Variants in CSGALNACT1 observed in about 807,000 individuals in gnomAD.
CSGALNACT1 encodes the protein chondroitin sulfate N-acetylgalactosaminyltransferase 1.
In CSGALNACT1, 52 loss-of-function variants were observed where a neutral mutation model predicts 51.0. That is an observed-to-expected ratio of 1.02 (90% confidence interval 0.82 to 1.29). The LOEUF (loss-of-function observed/expected upper bound fraction) is 1.29. CSGALNACT1 is among the 50% of genes most tolerant of loss of function. The pLI is 0.00. For synonymous variants in CSGALNACT1, 341 were observed against 254.4 expected, an observed-to-expected ratio of 1.34 and a Z score of -3.24; for missense variants, 935 against 679.2, an observed-to-expected ratio of 1.38 and a Z score of -4.19.
At chr8:19,488,730 T>C (rs2073684599) in intron 4 of CSGALNACT1, among the ~76,000 whole-genome samples, 1 of 152,160 alleles carries the variant, frequency 6.6e-6, no homozygotes, top group South Asian at 2.1e-4. Context: ...TAAAGACCCA[T>C]ATATAGTTTA....
intron 6 of CSGALNACT1, among the ~76,000 whole-genome samples, chr8:19,428,644 T>A (rs1366858492): frequency 1.3e-5 from 2 of 152,188 alleles, no homozygotes; most frequent in Non-Finnish European, 2.9e-5. Context: ...GACTGGCGAA[T>A]AGTGGATACT....
intron 1 of CSGALNACT1, among the ~76,000 whole-genome samples, chr8:19,716,376 T>A (rs1291565751): frequency 6.6e-6 from 1 of 152,128 alleles, no homozygotes; most frequent in Non-Finnish European, 1.5e-5. Context: ...GTGTTGTCAA[T>A]CTTGGCTTTT....
intron 2 of CSGALNACT1, among the ~76,000 whole-genome samples, chr8:19,599,102 G>C (rs1443044803): frequency 6.6e-6 from 1 of 151,960 alleles, no homozygotes; most frequent in African/African-American, 2.4e-5. Context: ...GTGGGAGACA[G>C]GAACAGGTGG....
At chr8:19,635,733 CGTTTT>C (rs1298386677) in intron 1 of CSGALNACT1, among the ~76,000 whole-genome samples, 1 of 152,034 alleles carries the variant, frequency 6.6e-6, no homozygotes, top group Non-Finnish European at 1.5e-5. Context: ...TTCAGCTTTT[CGTTTT>C]GTTTTTTGAG....
intron 3 of CSGALNACT1, among the ~76,000 whole-genome samples, chr8:19,550,520 A>G (rs1045306477): frequency 1.3e-5 from 2 of 152,242 alleles, no homozygotes; most frequent in East Asian, 3.9e-4. Flanking sequence ...AGGTTTTTGA[A>G]GTTTTTTTCT....
At chr8:19,593,033 C>G (rs2048165614) in intron 2 of CSGALNACT1, among the ~76,000 whole-genome samples, 1 of 152,184 alleles carries the variant, frequency 6.6e-6, no homozygotes, top group Non-Finnish European at 1.5e-5. Context: ...CAAAGAACAT[C>G]TGTAATTTGA....
intron 3 of CSGALNACT1, among the ~76,000 whole-genome samples, chr8:19,549,218 C>T (rs930305375): frequency 6.6e-6 from 1 of 152,052 alleles, no homozygotes; most frequent in Non-Finnish European, 1.5e-5. Context: ...CATCCTCTCC[C>T]CTCGAAAATC....
At chr8:19,508,753 T>C (rs78821751) in intron 3 of CSGALNACT1, among the ~76,000 whole-genome samples, 6,355 of 152,308 alleles carry the variant, frequency 0.042, 414 homozygotes, top group African/African-American at 0.14. Context: ...GAAACTTAAA[T>C]TATGCTGTTT....
chr8:19,666,935 G>GGA, intron 1 of CSGALNACT1, among the ~76,000 whole-genome samples: 3 of 130,050 alleles, frequency 2.3e-5, no homozygotes, highest in African/African-American at 8.6e-5. Context: ...GAGACAGAGA[G>GGA]AGAGAGAAAA....
At chr8:19,668,942 G>A (rs986061903) in intron 1 of CSGALNACT1, among the ~76,000 whole-genome samples, 1 of 152,162 alleles carries the variant, frequency 6.6e-6, no homozygotes, top group African/African-American at 2.4e-5. Context: ...TTGAAATACT[G>A]TAATAATCTA....
chr8:19,607,148 C>T (rs1394295934), upstream of CSGALNACT1, among the ~76,000 whole-genome samples: 1 of 148,614 alleles, frequency 6.7e-6, no homozygotes, highest in African/African-American at 2.5e-5. Context: ...GAGCAAGACT[C>T]CGTCTCAAAA....
At chr8:19,550,438 C>A (rs1186218774) in intron 3 of CSGALNACT1, among the ~76,000 whole-genome samples, 1 of 152,220 alleles carries the variant, frequency 6.6e-6, no homozygotes, top group Admixed American at 6.5e-5. Flanking sequence ...TTTCTGTCAT[C>A]ATGCTTCTCA....
chr8:19,416,199 C>A (rs1237786037), intron 8 of CSGALNACT1, among the ~76,000 whole-genome samples: 1 of 150,730 alleles, frequency 6.6e-6, no homozygotes, highest in African/African-American at 2.4e-5. Flanking sequence ...ACTGCAACCT[C>A]TGCCTCCCGG....
At chr8:19,695,286 A>T (rs557324908) in intron 1 of CSGALNACT1, among the ~76,000 whole-genome samples, 131 of 152,306 alleles carry the variant, frequency 8.6e-4, no homozygotes, top group African/African-American at 3.0e-3. Flanking sequence ...GACGTTTCTT[A>T]GGTCTTCCCA....
At chr8:19,725,425 C>CTTTTTTTTT (rs749829348) in intron 1 of CSGALNACT1, among the ~76,000 whole-genome samples, 2 of 136,146 alleles carry the variant, frequency 1.5e-5, no homozygotes, top group Non-Finnish European at 3.2e-5. Context: ...TTTCTTTTTT[C>CTTTTTTTTT]TTTTTTTTTT....
At chr8:19,498,195 G>C (rs529577569) in intron 4 of CSGALNACT1, among the ~76,000 whole-genome samples, 1 of 152,142 alleles carries the variant, frequency 6.6e-6, no homozygotes, top group Non-Finnish European at 1.5e-5. Context: ...CCCTGAGGCA[G>C]GTTACCAGGT....
At chr8:19,627,503 A>C (rs1564292790) in intron 1 of CSGALNACT1, among the ~76,000 whole-genome samples, 1 of 152,068 alleles carries the variant, frequency 6.6e-6, no homozygotes, top group Non-Finnish European at 1.5e-5. Context: ...CATTTCATAA[A>C]ACTATACACA....
Position 19,479,249 on chromosome 8 carries a change from C to T in CSGALNACT1, c.635-20607G>A, listed in dbSNP as rs570971494. On this transcript the variant is annotated intron_variant, in intron 4 of 9. Coordinates refer to ENST00000454498, the Ensembl canonical transcript of CSGALNACT1. ...AAGCTGGAATCATTACAGCTGTCAC[C>T]AACGCAGACTAAAACATCTCAACGG... 2.1e-4 allele frequency among the ~76,000 whole-genome samples: 32 copies of T among 152,288 alleles called. 1 individual carries two copies. Among genetic ancestry groups the T allele is most frequent in the Admixed American group, 2.0e-3 (31 of 15,298 alleles).
intron 8 of CSGALNACT1, among the ~76,000 whole-genome samples, chr8:19,414,103 G>A (rs904688085): frequency 2.0e-5 from 3 of 152,144 alleles, no homozygotes; most frequent in Non-Finnish European, 4.4e-5. Context: ...AATAGGCCAC[G>A]GTGGGAGTAT....
Sources: allele counts gnomAD v4.1 joint callset (sites outside exome capture counted in the v4.1 genomes callset), GRCh38; gene constraint gnomAD v4.1.1; transcripts MANE v1.5; gene names NCBI Gene and HGNC (gene_info 2026-07-23, HGNC 2026-07-21).